ASIC2: variants seen among roughly 807,000 people sequenced by gnomAD.
ASIC2 encodes acid sensing ion channel subunit 2, also known as acid-sensing ion channel 2.
ASIC2 carries 25 observed loss-of-function variants against 57.3 expected under a neutral mutation model. The observed-to-expected ratio is 0.44, with a 90% confidence interval of 0.32 to 0.61. The LOEUF is 0.61. Among genes scored for constraint, ASIC2 ranks in the 20% least tolerant of loss-of-function variants. ASIC2 has a pLI of 0.06. For missense variants in ASIC2, 641 were observed against 738.1 expected (o/e 0.87, Z 1.52); for synonymous variants, 319 against 307.5 (o/e 1.04, Z -0.39).
At chr17:33,170,391 A>T (rs1445368795) in intron 1 of ASIC2, among the ~76,000 whole-genome samples, 1 of 152,250 alleles carries the variant, frequency 6.6e-6, no homozygotes, top group African/African-American at 2.4e-5. Context: ...AAAACAGATC[A>T]TTAACTATTT....
At chr17:33,214,699 C>T (rs387627) in intron 1 of ASIC2, among the ~76,000 whole-genome samples, 96,151 of 151,944 alleles carry the variant, frequency 0.63, 31,236 homozygotes, top group Non-Finnish European at 0.72. Context: ...CAGGTGATGC[C>T]GATGCTGTTG....
chr17:33,667,159 A>T (rs1019806980), intron 1 of ASIC2, among the ~76,000 whole-genome samples: 13 of 152,266 alleles, frequency 8.5e-5, no homozygotes, highest in African/African-American at 3.1e-4. Flanking sequence ...GAAACCACCT[A>T]TTGGATGCAC....
chr17:33,641,935 TCATA>T (rs1567677211), intron 1 of ASIC2, among the ~76,000 whole-genome samples: 1 of 152,176 alleles, frequency 6.6e-6, no homozygotes, highest in Non-Finnish European at 1.5e-5. Flanking sequence ...TATAAAAAGA[TCATA>T]CATTTCTTTT....
chr17:33,181,317 C>G (rs1016497558), intron 1 of ASIC2, among the ~76,000 whole-genome samples: 1 of 152,104 alleles, frequency 6.6e-6, no homozygotes, highest in African/African-American at 2.4e-5. Context: ...ATAATAAACA[C>G]TTTTAATAAC....
chr17:33,809,434 A>G (rs945321790), intron 1 of ASIC2, among the ~76,000 whole-genome samples: 2 of 152,236 alleles, frequency 1.3e-5, no homozygotes. Context: ...CCAATACCTG[A>G]AACTTGCCCT....
chr17:34,118,154 G>T (rs1911483527), intron 1 of ASIC2, among the ~76,000 whole-genome samples: 1 of 152,208 alleles, frequency 6.6e-6, no homozygotes, highest in Non-Finnish European at 1.5e-5. Flanking sequence ...TGTCACTAAT[G>T]GATTGTATAA....
chr17:33,276,124 T>C (rs1429572726), intron 1 of ASIC2, among the ~76,000 whole-genome samples: 3 of 152,174 alleles, frequency 2.0e-5, no homozygotes, highest in African/African-American at 7.2e-5. Context: ...ACTTGGAGTA[T>C]ATTCACTTTG....
intron 1 of ASIC2, among the ~76,000 whole-genome samples, chr17:33,720,809 G>A (rs779984125): frequency 1.2e-4 from 19 of 152,138 alleles, no homozygotes; most frequent in Non-Finnish European, 2.5e-4. Flanking sequence ...GGGAGATCAC[G>A]GAGTAATGCA....
intron 1 of ASIC2, among the ~76,000 whole-genome samples, chr17:33,806,718 G>A (rs1006075062): frequency 3.3e-5 from 5 of 152,114 alleles, no homozygotes; most frequent in African/African-American, 9.7e-5. Context: ...GGTCCTGAAT[G>A]GGGTCTCACA....
chr17:33,120,355 C>T (rs1196709042), intron 1 of ASIC2, among the ~76,000 whole-genome samples: 2 of 152,136 alleles, frequency 1.3e-5, no homozygotes. Flanking sequence ...TGTGTGAATG[C>T]TATGCAGGAA....
At chr17:33,162,325 C>G (rs928770415) in intron 1 of ASIC2, among the ~76,000 whole-genome samples, 20 of 152,322 alleles carry the variant, frequency 1.3e-4, no homozygotes, top group African/African-American at 4.3e-4. Flanking sequence ...ACACTTGTTT[C>G]AGCGTTTTGG....
chr17:33,070,663 C>A (rs934217522), intron 3 of ASIC2, among the ~76,000 whole-genome samples: 6 of 152,078 alleles, frequency 3.9e-5, no homozygotes, highest in African/African-American at 9.7e-5. Flanking sequence ...ATGACAAAAA[C>A]CACAATTAAT....
intron 1 of ASIC2, among the ~76,000 whole-genome samples, chr17:33,299,334 C>A (rs1905853714): frequency 6.6e-6 from 1 of 152,194 alleles, no homozygotes; most frequent in South Asian, 2.1e-4. Context: ...AGTGTTATAG[C>A]ATCTAAGCAA....
chr17:33,386,810 G>A (rs779532709), intron 1 of ASIC2, among the ~76,000 whole-genome samples: 7 of 152,118 alleles, frequency 4.6e-5, no homozygotes, highest in Non-Finnish European at 8.8e-5. Context: ...GACTTCCTGC[G>A]TGTCTTTTAT....
chr17:34,049,850 C>T (rs573806712), intron 1 of ASIC2, among the ~76,000 whole-genome samples: 2 of 152,154 alleles, frequency 1.3e-5, no homozygotes, highest in Admixed American at 6.5e-5. Flanking sequence ...TAATTACTCT[C>T]TCCTCTGTGT....
At chr17:33,162,910 T>C (rs1905202341) in intron 1 of ASIC2, among the ~76,000 whole-genome samples, 1 of 152,240 alleles carries the variant, frequency 6.6e-6, no homozygotes, top group South Asian at 2.1e-4. Context: ...CTGGCAATTT[T>C]GTAAGCATTC....
intron 1 of ASIC2, among the ~76,000 whole-genome samples, chr17:33,437,530 G>C (rs1201163320): frequency 6.6e-6 from 1 of 152,132 alleles, no homozygotes; most frequent in Non-Finnish European, 1.5e-5. Flanking sequence ...GGCCAGGTGT[G>C]GTGGCTCATG....
chr17:33,767,219 G>A (rs1477698268), intron 1 of ASIC2, among the ~76,000 whole-genome samples: 1 of 152,174 alleles, frequency 6.6e-6, no homozygotes, highest in Non-Finnish European at 1.5e-5. Context: ...GGACCCCAGT[G>A]AACCTCAGTT....
At chr17:34,124,265 A>G (rs1430071074) in intron 1 of ASIC2, among the ~76,000 whole-genome samples, 1 of 152,116 alleles carries the variant, frequency 6.6e-6, no homozygotes, top group African/African-American at 2.4e-5. Flanking sequence ...GGGTGACATC[A>G]CTTACTATTA....
Sources: gnomAD v4.1 joint callset for allele counts (sites outside exome capture counted in the v4.1 genomes callset) on GRCh38, gnomAD v4.1.1 for gene constraint, MANE v1.5 for transcripts, NCBI Gene and HGNC (gene_info 2026-07-23, HGNC 2026-07-21) for gene names.